ZNF883: variants seen among roughly 807,000 people sequenced by gnomAD.
ZNF883 encodes the protein zinc finger protein 883.
rs1487173894 is a variant in ZNF883, at chr9:113,012,132, G to A, written n.78+18C>T. The A allele has an allele frequency of 3.3e-5, 5 of 152,184 alleles. No individual in the cohort carries two copies. The highest frequency in any genetic ancestry group is 4.8e-5 in the African/African-American group (2 of 41,430). 9.4% of individuals were successfully genotyped at this position (152,184 alleles called of 1,614,324 possible). The stretch of plus-strand genomic sequence containing the variant: ...CACCTCCCACACGAGTGCAAGGGTC[G>A]GGAAAGAAAAAGCTCACCTGCTCCA... On this transcript the variant is annotated intron_variant and non_coding_transcript_variant, in intron 1 of 4. Transcript: ENST00000638622.
chr9:112,988,157 T>C lies in ZNF883; in HGVS notation n.310-4578A>G, dbSNP rs189675947. Among the ~76,000 whole-genome samples the C allele has an allele frequency of 1.4e-3, 208 of 151,946 alleles. 2 individuals carry two copies. Among genetic ancestry groups the C allele is most frequent in the African/African-American group, 4.4e-3 (181 of 41,304 alleles). On this transcript the variant is annotated intron_variant and non_coding_transcript_variant, in intron 1 of 9. Transcript: ENST00000638823. Reference sequence around the variant, plus strand: ...ATTGTATCTTTTAAAAAAATTTAATTTTAAGTTCTAGGATACATGTGCAGG... The same window carrying C: ...ATTGTATCTTTTAAAAAAATTTAATCTTAAGTTCTAGGATACATGTGCAGG...
intron 2 of ZNF883, among the ~76,000 whole-genome samples, chr9:113,008,942 G>A (rs1828504463): frequency 6.6e-6 from 1 of 152,064 alleles, no homozygotes; most frequent in Non-Finnish European, 1.5e-5. Flanking sequence ...GCATGAGAGT[G>A]GAGATGGGGA....
chr9:113,011,638 G>GA (rs750615380), intron 1 of ZNF883, among the ~76,000 whole-genome samples: 30 of 152,116 alleles, frequency 2.0e-4, no homozygotes, highest in Non-Finnish European at 3.2e-4. Context: ...CCAGTAAAAC[G>GA]AAACAAGCTA....
upstream of ZNF883, among the ~76,000 whole-genome samples, chr9:113,003,028 T>C (rs1587896399): frequency 2.0e-5 from 3 of 152,252 alleles, no homozygotes; most frequent in East Asian, 3.9e-4. Flanking sequence ...ATTTCTGTTC[T>C]TTATAAATTG....
Position 113,007,678 on chromosome 9 carries a change from T to G in ZNF883, n.165+3463A>C, listed in dbSNP as rs139989976. Among the ~76,000 whole-genome samples the G allele has an allele frequency of 2.6e-5, 4 of 152,354 alleles. No individual in the cohort carries two copies. In the East Asian group the frequency reaches 7.7e-4, roughly 29 times the overall value. ...AACGAGTGCCAGATGCTAGAGCTTC[T>G]TGCTCTCTAAACCTCACAAATGATG... is the stretch of plus-strand genomic sequence containing the variant. On this transcript the variant is annotated intron_variant and non_coding_transcript_variant, in intron 2 of 4. Coordinates refer to the ZNF883 transcript ENST00000638622.
At chr9:113,001,150 CT>C (rs1828418230), upstream of ZNF883, among the ~76,000 whole-genome samples, 1 of 152,022 alleles carries the variant, frequency 6.6e-6, no homozygotes, top group African/African-American at 2.4e-5. Flanking sequence ...AAGAATCTAA[CT>C]CCAAAGATTA....
intron 2 of ZNF883, among the ~76,000 whole-genome samples, chr9:113,008,115 ATG>A (rs1320566242): frequency 1.3e-5 from 2 of 152,228 alleles, no homozygotes; most frequent in East Asian, 1.9e-4. Flanking sequence ...TATCATAAGA[ATG>A]TATTAGTTTT....
chr9:112,989,276 A>C (rs1828280435), intron 1 of ZNF883, among the ~76,000 whole-genome samples: 1 of 152,100 alleles, frequency 6.6e-6, no homozygotes, highest in African/African-American at 2.4e-5. Context: ...AAAGTCTTTA[A>C]TCCATTTTGA....
At chr9:112,996,094 T>C (rs1828351322), downstream of ZNF883, among the ~76,000 whole-genome samples, 1 of 152,158 alleles carries the variant, frequency 6.6e-6, no homozygotes, top group African/African-American at 2.4e-5. Context: ...TGTACAGATT[T>C]ATTCTTTAAC....
chr9:112,990,227 A>G (rs1291015007), intron 1 of ZNF883, among the ~76,000 whole-genome samples: 3 of 152,190 alleles, frequency 2.0e-5, no homozygotes, highest in Non-Finnish European at 4.4e-5. Context: ...GGTTTTGCCT[A>G]TTCAGTCTGA....
At chr9:113,011,086 A>C (rs1035439670) in intron 2 of ZNF883, 55 bp downstream of exon 2, 1 of 152,202 alleles carries the variant, frequency 6.6e-6, no homozygotes, top group African/African-American at 2.4e-5. Context: ...GCAAGATGGA[A>C]CTTTAGAAAT....
downstream of ZNF883, chr9:112,997,074 G>C: frequency 6.7e-7 from 1 of 1,500,336 alleles, no homozygotes; most frequent in Non-Finnish European, 8.9e-7. Context: ...TGAGTGCTCA[G>C]GTGTAAACAA....
At chr9:112,997,541 T>A (rs1828374893) in exon 1 of ZNF883, 1 of 1,614,166 alleles carries the variant, frequency 6.2e-7, no homozygotes, top group Non-Finnish European at 8.5e-7. Context: ...TCCACATGCA[T>A]TACACTCATA....
At chr9:112,997,411 A>G (rs1294645437) in exon 1 of ZNF883, 1 of 1,614,054 alleles carries the variant, frequency 6.2e-7, no homozygotes, top group South Asian at 1.1e-5. Context: ...GAATTTTTAG[A>G]TGTTCAGTAA....
At chr9:112,994,993 G>A (rs556207845), downstream of ZNF883, among the ~76,000 whole-genome samples, 27 of 152,134 alleles carry the variant, frequency 1.8e-4, no homozygotes, top group South Asian at 5.6e-3. Flanking sequence ...TTTCTTGTAG[G>A]TTTATAGTAA....
At chr9:113,000,339 G>C (rs1828410976), upstream of ZNF883, among the ~76,000 whole-genome samples, 1 of 152,150 alleles carries the variant, frequency 6.6e-6, no homozygotes, top group Non-Finnish European at 1.5e-5. Context: ...ACTTTAAACA[G>C]AGAAATTCAA....
At chr9:112,996,351 A>G (rs938160404), downstream of ZNF883, among the ~76,000 whole-genome samples, 1 of 152,202 alleles carries the variant, frequency 6.6e-6, no homozygotes, top group Non-Finnish European at 1.5e-5. Context: ...GTCTATGGCT[A>G]TTAATGAAAT....
chr9:112,991,764 C>T (rs1327027396), intron 1 of ZNF883, among the ~76,000 whole-genome samples: 7 of 152,196 alleles, frequency 4.6e-5, no homozygotes, highest in Non-Finnish European at 8.8e-5. Flanking sequence ...CTGGGTGCTC[C>T]GGTATTGGGT....
At chr9:113,009,097 C>T (rs553861922) in intron 2 of ZNF883, among the ~76,000 whole-genome samples, 11 of 152,304 alleles carry the variant, frequency 7.2e-5, no homozygotes, top group African/African-American at 2.6e-4. Context: ...ACCCTATACT[C>T]TATTCTCAAC....
Sources: allele counts gnomAD v4.1 joint callset (sites outside exome capture counted in the v4.1 genomes callset), GRCh38; gene constraint gnomAD v4.1.1; transcripts MANE v1.5; gene names NCBI Gene and HGNC (gene_info 2026-07-23, HGNC 2026-07-21).